Variants in PKHD1L1 observed in about 807,000 individuals in gnomAD.
The protein encoded by PKHD1L1 is fibrocystin-L.
Under a neutral mutation model 462.9 loss-of-function variants are expected in PKHD1L1, and 434 were observed. That is an observed-to-expected ratio of 0.94 (90% confidence interval 0.87 to 1.02). The LOEUF is 1.02. PKHD1L1 is among the 50% of genes least tolerant of loss of function. The probability of loss-of-function intolerance (pLI) is 0.00; values close to 1 mark genes in which losing one functional copy is unlikely to be tolerated. For missense variants in PKHD1L1, 5,202 were observed against 5,096.1 expected (o/e 1.02, Z -0.63); for synonymous variants, 1,781 against 1,750.0 (o/e 1.02, Z -0.44).
intron 70 of PKHD1L1, among the ~76,000 whole-genome samples, chr8:109,509,787 C>T (rs1234911239): frequency 2.0e-5 from 3 of 151,828 alleles, no homozygotes; most frequent in Non-Finnish European, 2.9e-5. Flanking sequence ...AATACATGAA[C>T]TTTAGAAGTT....
At chr8:109,421,607 C>T (rs1814471230) in intron 23 of PKHD1L1, among the ~76,000 whole-genome samples, 1 of 151,682 alleles carries the variant, frequency 6.6e-6, no homozygotes, top group Non-Finnish European at 1.5e-5. Flanking sequence ...ATGGTGAAAC[C>T]CCATCTCCAC....
chr8:109,424,608 T>A (rs956315790), intron 23 of PKHD1L1, among the ~76,000 whole-genome samples: 1 of 143,246 alleles, frequency 7.0e-6, no homozygotes, highest in African/African-American at 2.7e-5. Flanking sequence ...TAAACAAGTA[T>A]TTTTTTTTTT....
At chr8:109,370,340 C>T (rs1811437457) in intron 2 of PKHD1L1, among the ~76,000 whole-genome samples, 1 of 152,062 alleles carries the variant, frequency 6.6e-6, no homozygotes, top group Non-Finnish European at 1.5e-5. Flanking sequence ...TCTCGAATTC[C>T]TGACCTCAGG....
intron 16 of PKHD1L1, among the ~76,000 whole-genome samples, chr8:109,406,124 C>T (rs1813522026): frequency 6.6e-6 from 1 of 152,122 alleles, no homozygotes; most frequent in Admixed American, 6.6e-5. Context: ...AATATCAGCC[C>T]TGTCCTCAAA....
chr8:109,529,608 T>C (rs1291314553), intron 77 of PKHD1L1, among the ~76,000 whole-genome samples: 1 of 152,160 alleles, frequency 6.6e-6, no homozygotes, highest in South Asian at 2.1e-4. Context: ...TCTCAAAGAA[T>C]TAGTAAATCA....
chr8:109,418,957 T>C lies in PKHD1L1; in HGVS notation c.2361-140T>C, dbSNP rs1264530730. 4.8e-6 allele frequency: 3 copies of C among 623,250 alleles called. No homozygotes were observed. In the African/African-American group the frequency reaches 5.5e-5, roughly 11 times the overall value. The allele number at this position is 623,250 out of a possible 1,614,324, so 38.6% of individuals were successfully genotyped here. ...CCTGCTGTGCCTTGTTACGGCTGCT[T>C]TTCTGTGCTAATAAAGCTCCCCTGA... On this transcript the variant is annotated intron_variant, in intron 21 of 77. Coordinates refer to ENST00000378402, the MANE Select transcript of PKHD1L1 (RefSeq NM_177531.6).
chr8:109,385,621 G>C lies in PKHD1L1; in HGVS notation c.560G>C (p.Arg187Thr), dbSNP rs375054012. 155 of 1,567,258 alleles carry C rather than the reference G, an allele frequency of 9.9e-5. No individual in the cohort carries two copies. Among genetic ancestry groups the C allele is most frequent in the Non-Finnish European group, 1.3e-4 (146 of 1,143,554 alleles). Residue 187 changes from arginine (R) to threonine (T), a missense_variant, in exon 6 of 78, where the codon AGG becomes ACG. Arg to Thr is a moderately conservative substitution (Grantham distance 71). Around this residue, in one of 3 missense-constraint regions of PKHD1L1, gnomAD observed 4,497 missense variants for 4,336.8 expected, o/e 1.04. Coordinates refer to ENST00000378402, the MANE Select transcript of PKHD1L1 (RefSeq NM_177531.6). ...IALSSNGKNVRILRVYIGGMP... is the reference protein window; with the variant it reads ...IALSSNGKNVTILRVYIGGMP... The stretch of plus-strand genomic sequence containing the variant: ...CTAAGCTCAAATGGGAAAAATGTTA[G>C]GATTTTGAGGTAATCTTTTGATGTG...
At chr8:109,498,331 G>A (rs1819224332) in intron 65 of PKHD1L1, 131 bp from the exon 66 acceptor site, 1 of 506,428 alleles carries the variant, frequency 2.0e-6, no homozygotes, top group Non-Finnish European at 3.4e-6. Context: ...TCGATCTCCT[G>A]ACCTCATGAT....
rs138921994 is a variant in PKHD1L1 at position 109,391,739 on chromosome 8, C to T, written c.740+1245C>T. ...CTGAAAAAAATGGCAATATTACAAT[C>T]TAAGTAGATGTTATTCCTAGTAGCA... On this transcript the variant is annotated intron_variant, in intron 9 of 77. Coordinates refer to ENST00000378402, the MANE Select transcript of PKHD1L1 (RefSeq NM_177531.6). 2.0e-3 allele frequency among the ~76,000 whole-genome samples: 305 copies of T among 152,262 alleles called. 2 individuals carry two copies. The highest frequency in any genetic ancestry group is 6.4e-3 in the African/African-American group (266 of 41,552).
chr8:109,485,309 C>A (rs1354482446), intron 58 of PKHD1L1, 136 bp downstream of exon 58: 2 of 705,112 alleles, frequency 2.8e-6, no homozygotes, highest in South Asian at 5.0e-5. Context: ...GCAATGATAC[C>A]CAGTGAGTGC....
intron 50 of PKHD1L1, chr8:109,470,072 A>G (rs542614940): frequency 2.3e-6 from 1 of 425,646 alleles, no homozygotes; most frequent in African/African-American, 2.0e-5. Flanking sequence ...TTTCAGAAAC[A>G]CAGACATGTG....
At chr8:109,462,345 G>T (rs1156747432) in intron 48 of PKHD1L1, among the ~76,000 whole-genome samples, 1 of 152,004 alleles carries the variant, frequency 6.6e-6, no homozygotes, top group South Asian at 2.1e-4. Flanking sequence ...AAATCCTTCA[G>T]TGGCTTCATG....
intron 2 of PKHD1L1, among the ~76,000 whole-genome samples, chr8:109,377,276 A>G (rs1444049427): frequency 1.3e-5 from 2 of 152,222 alleles, no homozygotes; most frequent in African/African-American, 2.4e-5. Context: ...GGAATATATT[A>G]TAGCACTATT....
intron 2 of PKHD1L1, among the ~76,000 whole-genome samples, chr8:109,365,280 T>C (rs1811173098): frequency 6.6e-6 from 1 of 152,218 alleles, no homozygotes; most frequent in Non-Finnish European, 1.5e-5. Context: ...TTCAGATACT[T>C]AGGAATTTTT....
intron 46 of PKHD1L1, among the ~76,000 whole-genome samples, chr8:109,458,863 C>A (rs950171113): frequency 3.3e-5 from 5 of 152,074 alleles, no homozygotes; most frequent in Non-Finnish European, 7.4e-5. Context: ...TACTTGGTAT[C>A]CCCAGTGCTT....
chr8:109,436,502 A>T (rs1259953242), intron 30 of PKHD1L1, 43 bp downstream of exon 30: 1 of 1,602,366 alleles, frequency 6.2e-7, no homozygotes, highest in African/African-American at 1.3e-5. Flanking sequence ...CTAAGTCTGA[A>T]ATCTTATAAA....
In PKHD1L1 at chr8:109,477,208, T is replaced by G; in HGVS notation, c.8918-17T>G. ...TGGTCACTATGTTCATTTAACCCAC[T>G]TTTACTTCACTTTCAGTGTCAGGAA... On this transcript the variant is annotated splice_polypyrimidine_tract_variant and intron_variant, in intron 52 of 77. Coordinates refer to ENST00000378402, the MANE Select transcript of PKHD1L1 (RefSeq NM_177531.6). 6.2e-7 allele frequency: 1 copy of G among 1,612,468 alleles called. No homozygotes were observed. The highest frequency in any genetic ancestry group is 8.5e-7 in the Non-Finnish European group (1 of 1,179,384).
intron 8 of PKHD1L1, among the ~76,000 whole-genome samples, 168 bp downstream of exon 8, chr8:109,389,320 A>T (rs557976759): frequency 7.9e-5 from 12 of 152,206 alleles, no homozygotes; most frequent in African/African-American, 2.9e-4. Context: ...TCATGCAAAC[A>T]TGTATGAATC....
At chr8:109,437,376 G>T (rs1462546474) in intron 30 of PKHD1L1, among the ~76,000 whole-genome samples, 2 of 151,830 alleles carry the variant, frequency 1.3e-5, no homozygotes, top group Admixed American at 6.6e-5. Flanking sequence ...AAGTTTTAGG[G>T]TACATGTGCA....
Sources: allele counts gnomAD v4.1 joint callset (sites outside exome capture counted in the v4.1 genomes callset), GRCh38; gene constraint gnomAD v4.1.1; regional missense constraint gnomAD v4.1.1; transcripts MANE v1.5; gene names NCBI Gene and HGNC (gene_info 2026-07-23, HGNC 2026-07-21).